AP3D1: variants seen among roughly 807,000 people sequenced by gnomAD.
The protein encoded by AP3D1 is AP-3 complex subunit delta-1.
AP3D1 carries 51 observed loss-of-function variants against 147.6 expected under a neutral mutation model. That is an observed-to-expected ratio of 0.35 (90% CI 0.28 to 0.44). AP3D1 has a LOEUF of 0.44. AP3D1 is among the 20% of genes least tolerant of loss of function. AP3D1 has a pLI of 1.00. For missense variants in AP3D1, 1,421 were observed against 1,624.2 expected (o/e 0.87, Z 2.15); for synonymous variants, 760 against 663.0 (o/e 1.15, Z -2.25).
In AP3D1 at chr19:2,108,708, A is replaced by G. The variant is rs1365243095; in HGVS notation, c.3531T>C (p.His1177=). 2 of 1,583,612 alleles carry G rather than the reference A, an allele frequency of 1.3e-6. No individual in the cohort carries two copies. The highest frequency in any genetic ancestry group is 1.8e-5 in the Admixed American group (1 of 56,008). ...TCACCTTTTTCACCAGGAGGCAGAC[A>G]TGGTGGCCCTGGATGGAGCGGCTGT... ...SMYSRSIQGH[H]VCLLVKKGEN... Residue 1177 remains histidine (H), a synonymous_variant, in exon 31 of 32, where the codon CAT becomes CAC. Coordinates refer to ENST00000643116, the MANE Select transcript of AP3D1 (RefSeq NM_001261826.3).
rs1376343344 is a variant in AP3D1, at chr19:2,118,843, G to A, written c.1482-11C>T. ...GGTTCCTGCAGATGCCTGAGGACAG[G>A]AAACACTGTGAGCCCCCAGGATGCC... is the stretch of plus-strand genomic sequence containing the variant. On this transcript the variant is annotated splice_polypyrimidine_tract_variant and intron_variant, in intron 14 of 31. Coordinates refer to ENST00000643116, the MANE Select transcript of AP3D1 (RefSeq NM_001261826.3). 10 of 1,608,826 alleles carry A rather than the reference G, an allele frequency of 6.2e-6. No individual in the cohort carries two copies. Among genetic ancestry groups the A allele is most frequent in the Non-Finnish European group, 8.5e-6 (10 of 1,176,854 alleles).
At chr19:2,157,151 A>G (rs970686994) in intron 1 of AP3D1, among the ~76,000 whole-genome samples, 3 of 151,388 alleles carry the variant, frequency 2.0e-5, no homozygotes, top group African/African-American at 7.3e-5. Context: ...CTTGAAAAAA[A>G]CAAACATCTG....
chr19:2,151,094 C>T, intron 1 of AP3D1, 145 bp downstream of exon 1: 1 of 720,570 alleles, frequency 1.4e-6, no homozygotes, highest in South Asian at 2.1e-5. Context: ...CAGGCCCAGG[C>T]CAGGCAGGGC....
chr19:2,118,723 C>A lies in AP3D1; in HGVS notation c.1591G>T (p.Ala531Ser). 1.9e-6 allele frequency: 3 copies of A among 1,613,658 alleles called. No homozygotes were observed. Among genetic ancestry groups the A allele is most frequent in the Admixed American group, 3.3e-5 (2 of 60,010 alleles). Residue 531 changes from alanine to serine, a missense_variant, in exon 15 of 32, where the codon GCC becomes TCC. Ala to Ser is a moderately conservative substitution (Grantham distance 99, BLOSUM62 1). Around this residue, in one of 6 missense-constraint regions of AP3D1, gnomAD observed 310 missense variants for 388.1 expected, o/e 0.80. Coordinates refer to ENST00000643116, the MANE Select transcript of AP3D1 (RefSeq NM_001261826.3). ...VYVQNVVKLY[A>S]SILQQKEQAG... ...TGCTCCTTCTGCTGCAGGATGGAGG[C>A]GTAGAGCTTGACCACGTTCTGCACA... is the stretch of plus-strand genomic sequence containing the variant.
chr19:2,156,423 G>A (rs1425896575), upstream of AP3D1, among the ~76,000 whole-genome samples: 1 of 151,210 alleles, frequency 6.6e-6, no homozygotes, highest in Non-Finnish European at 1.5e-5. Flanking sequence ...ATCCACTCAT[G>A]CATCCATTCA....
At chr19:2,128,503 G>T (rs1390759137) in intron 8 of AP3D1, among the ~76,000 whole-genome samples, 1 of 125,850 alleles carries the variant, frequency 7.9e-6, no homozygotes. Flanking sequence ...CGTGGAGCCG[G>T]CCCGCCCCAC....
At chr19:2,148,240 T>G (rs1008992400) in intron 1 of AP3D1, among the ~76,000 whole-genome samples, 1 of 152,132 alleles carries the variant, frequency 6.6e-6, no homozygotes, top group Non-Finnish European at 1.5e-5. Flanking sequence ...AAGTCGTTTG[T>G]TTTTTGTGCC....
rs138714381 is a variant in AP3D1 at position 2,124,575 on chromosome 19, G to A, written c.857-696C>T. On this transcript the variant is annotated intron_variant, in intron 9 of 31. Transcript: ENST00000643116. ...AAGGTGTACAGGAGACCGTGTGTGCGTGTGCGTGTGCATGTGTTTTCTTTT... is the reference window on the plus strand; with the variant it reads ...AAGGTGTACAGGAGACCGTGTGTGCATGTGCGTGTGCATGTGTTTTCTTTT... Among the ~76,000 whole-genome samples, 186 of 152,306 alleles carry A rather than the reference G, an allele frequency of 1.2e-3. 2 individuals carry two copies. The highest frequency in any genetic ancestry group is 4.3e-3 in the African/African-American group (179 of 41,566).
At chr19:2,102,511 C>T (rs111856206) in intron 31 of AP3D1, among the ~76,000 whole-genome samples, 41 of 151,786 alleles carry the variant, frequency 2.7e-4, no homozygotes, top group African/African-American at 9.4e-4. Flanking sequence ...GGCAGATCAC[C>T]AGGTCAGGAT....
At chr19:2,153,199 G>A (rs1281996900), upstream of AP3D1, among the ~76,000 whole-genome samples, 1 of 142,706 alleles carries the variant, frequency 7.0e-6, no homozygotes, top group Non-Finnish European at 1.5e-5. Flanking sequence ...CATGATGAAA[G>A]CCCATCTCTA....
rs912216613 is a variant in AP3D1, at chr19:2,164,273, C to T, written c.-103+83G>A. On this transcript the variant is annotated intron_variant, in intron 1 of 14. Transcript: ENST00000643010. ...TGGCCGCTGCCGGTCTACGTGAGTG[C>T]CGCCCTCCACCGTCCCTACCTCCCG... The T allele has an allele frequency of 7.9e-6, 10 of 1,259,748 alleles. No individual in the cohort carries two copies. In the African/African-American group the frequency reaches 1.1e-4, roughly 14 times the overall value. 78.0% of individuals were successfully genotyped at this position (1,259,748 alleles called of 1,614,324 possible). A position where few individuals can be genotyped will look rare whatever the true frequency, so the allele number is the denominator to read the frequency against.
intron 31 of AP3D1, among the ~76,000 whole-genome samples, chr19:2,102,776 T>G: frequency 1.1e-5 from 1 of 88,986 alleles, no homozygotes; most frequent in Non-Finnish European, 2.4e-5. Flanking sequence ...AATAAATAAA[T>G]AAATAAAATA....
In AP3D1 at chr19:2,129,150, G is replaced by C; in HGVS notation, c.746C>G (p.Thr249Ser). The change falls in exon 8 of 32, where the codon ACT becomes AGT. Residue 249 changes from threonine to serine, a missense_variant. By Grantham distance (58) the Thr-to-Ser change is moderately conservative. Transcript: ENST00000643116. ...CTTGCCCAGCCGCGGTTCCAAAGGA[G>C]TAAGAGCACCGAACTGTGGGGACAG... The part of the protein sequence containing the change: ...IKIIKLFGAL[T>S]PLEPRLGKKL... 1 of 1,602,822 alleles carries C rather than the reference G, an allele frequency of 6.2e-7. No individual in the cohort carries two copies. The highest frequency in any genetic ancestry group is 1.3e-5 in the African/African-American group (1 of 74,924).
At chr19:2,110,632 C>G (rs781102246) in intron 27 of AP3D1, 75 bp downstream of exon 27, 1 of 1,417,856 alleles carries the variant, frequency 7.1e-7, no homozygotes, top group Non-Finnish European at 9.4e-7. Context: ...CAAGAACCAG[C>G]GGATCCGGGC....
At position 2,138,718 on chromosome 19, in the gene AP3D1, T is replaced by C. The variant is rs2144516726; in HGVS notation, c.97-4A>G. The C allele has an allele frequency of 3.1e-6, 5 of 1,597,122 alleles. No homozygotes were observed. The highest frequency in any genetic ancestry group is 2.2e-5 in the South Asian group (2 of 90,812). Reference sequence around the variant, plus strand: ...TGCACTGAGATATGTATTTTGCCTATAATGGGGGATAAACACAGAGATTAC... The same window carrying C: ...TGCACTGAGATATGTATTTTGCCTACAATGGGGGATAAACACAGAGATTAC... On this transcript the variant is annotated splice_polypyrimidine_tract_variant and splice_region_variant and intron_variant, in intron 1 of 31. Coordinates refer to ENST00000643116, the MANE Select transcript of AP3D1 (RefSeq NM_001261826.3).
exon 1 of AP3D1, chr19:2,164,358 GT>G (rs2019826126): frequency 5.8e-6 from 5 of 860,972 alleles, no homozygotes; most frequent in Non-Finnish European, 7.6e-6. Context: ...GCGCTCACCG[GT>G]CCCCCCTGCG....
chr19:2,147,345 CAAAAAAAAAAA>C (rs71176517), intron 1 of AP3D1, among the ~76,000 whole-genome samples: 13 of 80,274 alleles, frequency 1.6e-4, no homozygotes, highest in Non-Finnish European at 2.5e-4. Context: ...AACTCTGTCT[CAAAAAAAAAAA>C]AAAAAAAAGA....
At chr19:2,143,055 C>T (rs542917572) in intron 1 of AP3D1, among the ~76,000 whole-genome samples, 3 of 151,654 alleles carry the variant, frequency 2.0e-5, no homozygotes, top group Admixed American at 6.6e-5. Context: ...TGAGCCACCA[C>T]GCCCAGCCTC....
chr19:2,116,083 C>T (rs531009477), intron 18 of AP3D1, 124 bp downstream of exon 18: 12 of 933,692 alleles, frequency 1.3e-5, no homozygotes, highest in African/African-American at 4.9e-5. Context: ...GCACAGTCAC[C>T]GTGTGGCCCC....
Sources: gnomAD v4.1 joint callset for allele counts (sites outside exome capture counted in the v4.1 genomes callset) on GRCh38, gnomAD v4.1.1 for gene constraint, gnomAD v4.1.1 regional missense constraint, MANE v1.5 for transcripts, NCBI Gene and HGNC (gene_info 2026-07-23, HGNC 2026-07-21) for gene names.